The following CAVIN2 variants were observed in gnomAD, a reference collection of about 807,000 sequenced individuals.
CAVIN2 encodes caveolae-associated protein 2.
Under a neutral mutation model 11.7 loss-of-function variants are expected in CAVIN2, and 13 were observed. The observed-to-expected ratio is 1.11, with a 90% CI of 0.72 to 1.77. The LOEUF (loss-of-function observed/expected upper bound fraction) is 1.77, where lower values mean the gene tolerates loss of function less well. Among genes scored for constraint, CAVIN2 ranks in the 40% most tolerant of loss-of-function variants. The pLI, the probability that CAVIN2 is intolerant of heterozygous loss-of-function variation, is 0.00. For missense variants in CAVIN2, 549 were observed against 542.9 expected, an observed-to-expected ratio of 1.01 and a Z score of -0.11; for synonymous variants, 237 against 223.2, an observed-to-expected ratio of 1.06 and a Z score of -0.55.
intron 1 of CAVIN2, among the ~76,000 whole-genome samples, chr2:191,838,004 G>T (rs1220182647): frequency 6.6e-6 from 1 of 152,226 alleles, no homozygotes; most frequent in African/African-American, 2.4e-5. Context: ...CAGGGGCTCT[G>T]CTGGAATGCC....
chr2:191,835,819 G>A lies in CAVIN2; in HGVS notation c.*104C>T. 8.9e-7 allele frequency: 1 copy of A among 1,124,428 alleles called. No homozygotes were observed. The allele number at this position is 1,124,428 out of a possible 1,614,324, so 69.7% of individuals were successfully genotyped here. ...ATGGTCAATGATTACTGCCTGGACA[G>A]GAACGCAGGAGTGGGTGAGTCGTGC... On this transcript the variant is annotated 3_prime_UTR_variant, in exon 2 of 2. Transcript: ENST00000304141.
chr2:191,846,630 T>C lies in CAVIN2; in HGVS notation c.296A>G (p.Lys99Arg). Residue 99 changes from lysine (K) to arginine (R), a missense_variant, in exon 1 of 2, where the codon AAG becomes AGG. By Grantham distance (26) the Lys-to-Arg change is conservative. Transcript: ENST00000304141. The stretch of plus-strand genomic sequence containing the variant: ...GGTGGAGGCCTGGTACTTGGAGAGC[T>C]TGGTGAGGTCATTCTGGATGCCCTT... ...SVKGIQNDLT[K>R]LSKYQASTSN... 2 of 1,614,230 alleles carry C rather than the reference T, an allele frequency of 1.2e-6. No homozygotes were observed. The highest frequency in any genetic ancestry group is 1.7e-6 in the Non-Finnish European group (2 of 1,180,028).
chr2:191,844,920 G>T (rs182370684), intron 1 of CAVIN2, among the ~76,000 whole-genome samples: 33 of 152,286 alleles, frequency 2.2e-4, no homozygotes, highest in Non-Finnish European at 1.8e-4. Context: ...TAATTTGCCT[G>T]ATTCATACTG....
At chr2:191,845,373 G>C (rs1172228364) in intron 1 of CAVIN2, among the ~76,000 whole-genome samples, 1 of 152,236 alleles carries the variant, frequency 6.6e-6, no homozygotes, top group Non-Finnish European at 1.5e-5. Flanking sequence ...TCTCTTGGGA[G>C]ATGAAGGCTT....
intron 1 of CAVIN2, among the ~76,000 whole-genome samples, chr2:191,841,343 T>C (rs1255086940): frequency 6.6e-6 from 1 of 152,196 alleles, no homozygotes; most frequent in Admixed American, 6.5e-5. Flanking sequence ...TAAAAGCTGA[T>C]GTAGAAAACC....
chr2:191,842,087 T>C (rs1193275532), intron 1 of CAVIN2, among the ~76,000 whole-genome samples: 1 of 152,198 alleles, frequency 6.6e-6, no homozygotes, highest in Non-Finnish European at 1.5e-5. Flanking sequence ...GCAGTGACTT[T>C]GGATAAAGTA....
At chr2:191,846,418 G>A (rs200048020) in intron 1 of CAVIN2, 25 bp downstream of exon 1, 2 of 1,589,206 alleles carry the variant, frequency 1.3e-6, no homozygotes, top group Non-Finnish European at 1.7e-6. Context: ...CAGCCCGCCT[G>A]TAAGGAGGCA....
Position 191,846,522 on chromosome 2 carries a change from T to G in CAVIN2, c.404A>C (p.Gln135Pro). 1 of 1,614,248 alleles carries G rather than the reference T, an allele frequency of 6.2e-7. No individual in the cohort carries two copies. Among genetic ancestry groups the G allele is most frequent in the Non-Finnish European group, 8.5e-7 (1 of 1,180,034 alleles). The stretch of plus-strand genomic sequence containing the variant: ...CTCCAGCCGCTTCACCTGTGCGCAC[T>G]GCCTATCCATGCGCTCTTTGACCGC... ...TRAVKERMDR[Q>P]CAQVKRLENN... Residue 135 changes from glutamine (Q) to proline (P), a missense_variant, in exon 1 of 2, where the codon CAG becomes CCG. Transcript: ENST00000304141.
Position 191,846,593 on chromosome 2 carries a change from C to T in CAVIN2, c.333G>A (p.Val111=). ...TGCGGGACTTCTCCAGCAGCTTGCT[C>T]ACCGTGTTGCTGGTGGAGGCCTGGT... ...SKYQASTSNT[V]SKLLEKSRKV... is the part of the protein sequence containing the mutation. Residue 111 remains valine (V), a synonymous_variant, in exon 1 of 2, where the codon GTG becomes GTA. Coordinates refer to ENST00000304141, the MANE Select transcript of CAVIN2 (RefSeq NM_004657.6). 1 of 1,614,270 alleles carries T rather than the reference C, an allele frequency of 6.2e-7. No individual in the cohort carries two copies. Among genetic ancestry groups the T allele is most frequent in the Non-Finnish European group, 8.5e-7 (1 of 1,180,048 alleles).
At position 191,834,773 on chromosome 2, in the gene CAVIN2, A is replaced by G. The variant is rs1689986879; in HGVS notation, c.*1150T>C. ...TAAATAAAATATAATCTGGAATGAA[A>G]TTCCCATTATGTACAAAAAAAGAAA... is the stretch of plus-strand genomic sequence containing the variant. On this transcript the variant is annotated 3_prime_UTR_variant, in exon 2 of 2. Coordinates refer to ENST00000304141, the MANE Select transcript of CAVIN2 (RefSeq NM_004657.6). 1 of 152,126 alleles carries G rather than the reference A, an allele frequency of 6.6e-6. No homozygotes were observed. The highest frequency in any genetic ancestry group is 1.5e-5 in the Non-Finnish European group (1 of 68,000). The allele number at this position is 152,126 out of a possible 1,614,324, so 9.4% of individuals were successfully genotyped here. A position where few individuals can be genotyped will look rare whatever the true frequency, so the allele number is the denominator to read the frequency against.
intron 1 of CAVIN2, among the ~76,000 whole-genome samples, chr2:191,837,274 C>G (rs79202984): frequency 0.032 from 4,842 of 152,234 alleles, 264 homozygotes; most frequent in African/African-American, 0.11. Flanking sequence ...AGTATCTGCT[C>G]AAAGGTGCAC....
chr2:191,846,816 C>T lies in CAVIN2; in HGVS notation c.110G>A (p.Ser37Asn). The change falls in exon 1 of 2, where the codon AGC (serine) becomes AAC (asparagine). Residue 37 changes from serine (S) to asparagine (N), a missense_variant. Physicochemically the swap from Ser to Asn is conservative, Grantham distance 46 (BLOSUM62 1). Transcript: ENST00000304141. ...CTCCTCTGTGTTCCCTAGGTTCAGG[C>T]TGGGGCTTGGTGTGGAGGAAGGCAT... ...SPMPSSTPSPSLNLGNTEEAI... is the reference protein window; with the variant it reads ...SPMPSSTPSPNLNLGNTEEAI... The T allele has an allele frequency of 6.2e-7, 1 of 1,614,212 alleles. No individual in the cohort carries two copies.
chr2:191,836,567 C>T lies in CAVIN2; in HGVS notation c.634G>A (p.Glu212Lys). ...TCGGCACTGTCTTCCAGGGCCTCCT[C>T]ATCGTGGGGCAAATCATCATCTGAG... ...LSSDDDLPHD[E>K]EALEDSAEEK... Residue 212 changes from glutamate to lysine, a missense_variant, in exon 2 of 2, where the codon GAG becomes AAG. Glu to Lys is a moderately conservative substitution (Grantham distance 56). Coordinates refer to ENST00000304141, the MANE Select transcript of CAVIN2 (RefSeq NM_004657.6). 2 of 1,614,168 alleles carry T rather than the reference C, an allele frequency of 1.2e-6. No individual in the cohort carries two copies. The highest frequency in any genetic ancestry group is 1.7e-5 in the Admixed American group (1 of 60,016).
Position 191,835,236 on chromosome 2 carries a change from G to A in CAVIN2, c.*687C>T, listed in dbSNP as rs190969333. 17 of 151,646 alleles carry A rather than the reference G, an allele frequency of 1.1e-4. No individual in the cohort carries two copies. The East Asian group carries it at 2.5e-3, about 22-fold the overall frequency. 9.4% of individuals were successfully genotyped at this position (151,646 alleles called of 1,614,324 possible). A position where few individuals can be genotyped will look rare whatever the true frequency, so the allele number is the denominator to read the frequency against. ...TTTTTTCTCTGTTTTCATTCTTTTC[G>A]GCATTCTTTGTTTCCTGTTTCTCTC... On this transcript the variant is annotated 3_prime_UTR_variant, in exon 2 of 2. Transcript: ENST00000304141.
intron 1 of CAVIN2, among the ~76,000 whole-genome samples, chr2:191,842,139 G>A (rs1690103659): frequency 6.6e-6 from 1 of 152,096 alleles, no homozygotes; most frequent in African/African-American, 2.4e-5. Context: ...CACTTTTAGC[G>A]TCTCTCTAAA....
chr2:191,835,859 A>T lies in CAVIN2; in HGVS notation c.*64T>A. ...GTGAGTCGTGCTGGAGATGTGCAAG[A>T]GTTTGTTCTTCAGCCCTGGCTGCCC... On this transcript the variant is annotated 3_prime_UTR_variant, in exon 2 of 2. Coordinates refer to ENST00000304141, the MANE Select transcript of CAVIN2 (RefSeq NM_004657.6). 2 of 1,492,412 alleles carry T rather than the reference A, an allele frequency of 1.3e-6. No individual in the cohort carries two copies. The highest frequency in any genetic ancestry group is 2.3e-5 in the East Asian group (1 of 43,938). The allele number at this position is 1,492,412 out of a possible 1,614,324, so 92.4% of individuals were successfully genotyped here.
Position 191,836,321 on chromosome 2 carries a change from G to T in CAVIN2, c.880C>A (p.Pro294Thr), listed in dbSNP as rs984948638. 3.1e-6 allele frequency: 5 copies of T among 1,614,144 alleles called. No homozygotes were observed. The highest frequency in any genetic ancestry group is 4.2e-6 in the Non-Finnish European group (5 of 1,180,032). The change falls in exon 2 of 2, where the codon CCC (proline) becomes ACC (threonine). Residue 294 changes from proline to threonine, a missense_variant. Pro to Thr is a conservative substitution (Grantham distance 38). Transcript: ENST00000304141. ...ACTTTCTTCCGCCCGAAAGTGAGGG[G>T]AGAAACCTTGAAGGGGGAGCTTTTT... The part of the protein sequence containing the change: ...SGKSSPFKVS[P>T]LTFGRKKVRE...
chr2:191,842,906 A>C (rs1333394010), intron 1 of CAVIN2, among the ~76,000 whole-genome samples: 1 of 152,284 alleles, frequency 6.6e-6, no homozygotes, highest in Non-Finnish European at 1.5e-5. Context: ...AATTATGGCC[A>C]GGCATAGTGG....
rs117834319 is a variant in CAVIN2, at chr2:191,838,224, C to T, written c.484-1507G>A. ...CTTCTTGTTTTGTAATTTTGATTGA[C>T]CGAAAAGATGAAAACATGCTTTAAG... On this transcript the variant is annotated intron_variant, in intron 1 of 1. Coordinates refer to ENST00000304141, the MANE Select transcript of CAVIN2 (RefSeq NM_004657.6). Among the ~76,000 whole-genome samples, 100 of 152,196 alleles carry T rather than the reference C, an allele frequency of 6.6e-4. 1 individual carries two copies. The East Asian group carries it at 0.019, about 28-fold the overall frequency.
Sources: allele counts gnomAD v4.1 joint callset (sites outside exome capture counted in the v4.1 genomes callset), GRCh38; gene constraint gnomAD v4.1.1; transcripts MANE v1.5; gene names NCBI Gene and HGNC (gene_info 2026-07-23, HGNC 2026-07-21).